NONO: variants seen among roughly 807,000 people sequenced by gnomAD.
NONO encodes the protein non-POU domain containing octamer binding.
Under a neutral mutation model 40.2 loss-of-function variants are expected in NONO, and 6 were observed. That is an observed-to-expected ratio of 0.15 (90% CI 0.08 to 0.29). The LOEUF is 0.29. NONO is among the 10% of genes least tolerant of loss of function. The probability of loss-of-function intolerance (pLI) is 1.00; values close to 1 mark genes in which losing one functional copy is unlikely to be tolerated. For synonymous variants in NONO, 89 were observed against 123.3 expected (o/e 0.72, Z 1.85); for missense variants, 133 against 397.8 (o/e 0.33, Z 5.66).
chrX:71,284,039 T>A (rs2031134154), intron 1 of NONO: 1 of 111,864 alleles, frequency 8.9e-6, no homozygotes, highest in South Asian at 3.7e-4. Context: ...TGGGGTCTAT[T>A]ATGAGAGATC....
Position 71,300,426 on chromosome X carries a change from C to T in NONO, c.*350C>T, listed in dbSNP as rs2031555814. On this transcript the variant is annotated 3_prime_UTR_variant, in exon 12 of 12. Coordinates refer to ENST00000276079, the MANE Select transcript of NONO (RefSeq NM_007363.5). ...TGTCCATCTTGTTTCATTTGCTTGC[C>T]CCGCCCCCGAGACGGAGTCTTACTC... The T allele has an allele frequency of 7.6e-6, 2 of 263,572 alleles. No homozygotes were observed. Among genetic ancestry groups the T allele is most frequent in the East Asian group, 6.7e-5 (1 of 14,854 alleles). 21.7% of individuals were successfully genotyped at this position (263,572 alleles called of 1,213,427 possible).
chrX:71,290,927 T>C, intron 3 of NONO, 136 bp downstream of exon 3: 1 of 712,056 alleles, frequency 1.4e-6, no homozygotes, highest in Non-Finnish European at 2.0e-6. Context: ...CTTTACCTCT[T>C]AATACTTACG....
Position 71,298,786 on chromosome X carries a change from C to T in NONO, c.1251C>T (p.Ala417=). The T allele has an allele frequency of 8.3e-7, 1 of 1,208,667 alleles. No homozygotes were observed. The highest frequency in any genetic ancestry group is 1.1e-6 in the Non-Finnish European group (1 of 892,888). The change falls in exon 11 of 12, where the codon GCC becomes GCT. Residue 417 remains alanine, a synonymous_variant. Coordinates refer to ENST00000276079, the MANE Select transcript of NONO (RefSeq NM_007363.5). ...PAGTPAPPGP[A]TMMPDGTLGL... is the part of the protein sequence containing the mutation. ...GTACCCCAGCTCCTCCAGGACCTGC[C>T]ACTATGATGCCGGATGGAACTTTGG...
At chrX:71,299,816 A>G (rs1363372205) in intron 11 of NONO, 126 bp from the exon 12 acceptor site, 1 of 845,146 alleles carries the variant, frequency 1.2e-6, no homozygotes, top group Non-Finnish European at 1.7e-6. Context: ...TTAGTCACCC[A>G]CTCCTACCTA....
intron 2 of NONO, 55 bp from the exon 3 acceptor site, chrX:71,290,574 G>A: frequency 9.9e-7 from 1 of 1,008,782 alleles, no homozygotes; most frequent in Non-Finnish European, 1.4e-6. Context: ...TCAGGAAGGT[G>A]GCTGATTGTG....
chrX:71,290,964 A>G (rs1169179182), intron 3 of NONO, among the ~76,000 whole-genome samples, 173 bp downstream of exon 3: 1 of 112,581 alleles, frequency 8.9e-6, no homozygotes, highest in Non-Finnish European at 1.9e-5. Flanking sequence ...CTCCGGAACC[A>G]AGGAGCAAAC....
intron 2 of NONO, 45 bp from the exon 3 acceptor site, chrX:71,290,584 G>A (rs775454415): frequency 2.2e-4 from 239 of 1,080,152 alleles, no homozygotes; most frequent in Non-Finnish European, 2.9e-4. Flanking sequence ...GGCTGATTGT[G>A]TTATTAGTAC....
At chrX:71,294,181 T>C in intron 4 of NONO, 46 bp from the exon 5 acceptor site, 4 of 1,155,716 alleles carry the variant, frequency 3.5e-6, no homozygotes, top group Non-Finnish European at 4.7e-6. Context: ...GCTGCTAAGG[T>C]GTTCTTTGTC....
chrX:71,285,183 C>A (rs2031161741), intron 2 of NONO: 1 of 112,133 alleles, frequency 8.9e-6, no homozygotes, highest in African/African-American at 3.2e-5. Flanking sequence ...TCTCCGGGGC[C>A]AGGGGAAGAG....
rs749813819 is a variant in NONO at position 71,290,709 on chromosome X, C to CCAG, written c.81_83dup (p.Gln27dup). ...CAAGAAAGCATCATCAACATCACCA[C>CCAG]CAGCAGCAGCACCACCAGCAGCAAC... On this transcript the variant is annotated inframe_insertion, in exon 3 of 12. Transcript: ENST00000276079. 14 of 1,204,614 alleles carry CCAG rather than the reference C, an allele frequency of 1.2e-5. No homozygotes were observed. Among genetic ancestry groups the CCAG allele is most frequent in the Admixed American group, 2.2e-5 (1 of 45,499 alleles).
In NONO at chrX:71,301,035, TTAGG is replaced by T; in HGVS notation, c.*963_*966del. 1 of 155,097 alleles carries T rather than the reference TTAGG, an allele frequency of 6.4e-6. No homozygotes were observed. Among genetic ancestry groups the T allele is most frequent in the Non-Finnish European group, 1.3e-5 (1 of 78,395 alleles). The allele number at this position is 155,097 out of a possible 1,213,427, so 12.8% of individuals were successfully genotyped here. A position where few individuals can be genotyped will look rare whatever the true frequency, so the allele number is the denominator to read the frequency against. On this transcript the variant is annotated 3_prime_UTR_variant, in exon 12 of 12. Transcript: ENST00000276079. ...ACAGTAGCTCTTAGACTCGCCTATC[TTAGG>T]TAGTCATGCTGTGCATTTTTTTTTT...
chrX:71,285,489 A>T (rs1056683764), intron 2 of NONO, among the ~76,000 whole-genome samples: 1 of 111,708 alleles, frequency 9.0e-6, no homozygotes, highest in African/African-American at 3.3e-5. Context: ...TTAAGAATTT[A>T]TCCTATGGAA....
chrX:71,292,879 G>A (rs759425260), intron 4 of NONO: 2 of 112,587 alleles, frequency 1.8e-5, no homozygotes, highest in Non-Finnish European at 3.7e-5. Context: ...ATTGAGCCTA[G>A]GAGTTTGAGG....
chrX:71,284,274 G>A (rs773273165), intron 1 of NONO, 123 bp from the exon 2 acceptor site: 4 of 112,507 alleles, frequency 3.6e-5, no homozygotes, highest in Non-Finnish European at 5.6e-5. Flanking sequence ...GCTCCTTGAC[G>A]CATTTATATA....
intron 2 of NONO, among the ~76,000 whole-genome samples, chrX:71,289,779 T>C (rs903051284): frequency 2.8e-5 from 3 of 109,043 alleles, no homozygotes; most frequent in Non-Finnish European, 3.8e-5. Flanking sequence ...TTTTGTTTTG[T>C]TTTGTTTTTT....
rs2031483975 is a variant in NONO, at chrX:71,297,738, A to G, written c.1029-98A>G. 6.2e-6 allele frequency: 4 copies of G among 640,678 alleles called. No homozygotes were observed. In the Admixed American group the frequency reaches 1.3e-4, roughly 21 times the overall value. 52.8% of individuals were successfully genotyped at this position (640,678 alleles called of 1,213,427 possible). The stretch of plus-strand genomic sequence containing the variant: ...TAACAGTGAGTTTCCTGGTGAACTG[A>G]TAGTTTTCAGTAGGCCAGTCTCCTT... On this transcript the variant is annotated intron_variant, in intron 8 of 11. Coordinates refer to ENST00000276079, the MANE Select transcript of NONO (RefSeq NM_007363.5).
intron 5 of NONO, among the ~76,000 whole-genome samples, chrX:71,295,220 C>CAA (rs1193819209): frequency 6.1e-4 from 19 of 31,035 alleles, no homozygotes; most frequent in African/African-American, 9.1e-4. Flanking sequence ...GACTCTGTCT[C>CAA]AAAAAAAAAA....
rs2031469798 is a variant in NONO at position 71,297,109 on chromosome X, C to CT, written c.943+65dup. 1.3e-5 allele frequency: 13 copies of CT among 984,250 alleles called. No individual in the cohort carries two copies. In the Admixed American group the frequency reaches 1.8e-4, roughly 13 times the overall value. The allele number at this position is 984,250 out of a possible 1,213,427, so 81.1% of individuals were successfully genotyped here. The stretch of plus-strand genomic sequence containing the variant: ...CAAAATGACATTTTTAAATGGGTTT[C>CT]TTTGTATCAATTAACAGAAGGGCCT... On this transcript the variant is annotated intron_variant, in intron 7 of 11. Coordinates refer to ENST00000276079, the MANE Select transcript of NONO (RefSeq NM_007363.5).
rs1802558 is a variant in NONO at position 71,300,712 on chromosome X, C to T, written c.*636C>T. On this transcript the variant is annotated 3_prime_UTR_variant, in exon 12 of 12. Coordinates refer to ENST00000276079, the MANE Select transcript of NONO (RefSeq NM_007363.5). ...CCCCAATGACCTTAGCCCCATTGCT[C>T]CATTCACTCCCAGGTGAGAATTCAG... The T allele has an allele frequency of 5.7e-6, 1 of 176,518 alleles. No individual in the cohort carries two copies. Among genetic ancestry groups the T allele is most frequent in the Non-Finnish European group, 1.1e-5 (1 of 92,869 alleles). The allele number at this position is 176,518 out of a possible 1,213,427, so 14.5% of individuals were successfully genotyped here. A position where few individuals can be genotyped will look rare whatever the true frequency, so the allele number is the denominator to read the frequency against.
Sources: gnomAD v4.1 joint callset for allele counts (sites outside exome capture counted in the v4.1 genomes callset) on GRCh38, gnomAD v4.1.1 for gene constraint, MANE v1.5 for transcripts, NCBI Gene and HGNC (gene_info 2026-07-23, HGNC 2026-07-21) for gene names.